The following PYGM variants were observed in gnomAD, a reference collection of about 807,000 sequenced individuals.
The protein encoded by PYGM is glycogen phosphorylase, muscle form.
A neutral mutation model predicts 99.3 loss-of-function variants in PYGM; 81 were observed. The observed-to-expected ratio is 0.82, with a 90% CI of 0.68 to 0.98. The LOEUF is 0.98. Among genes scored for constraint, PYGM ranks in the 50% least tolerant of loss-of-function variants. The pLI is 0.00. For synonymous variants in PYGM, 436 were observed against 451.5 expected, an observed-to-expected ratio of 0.97 and a Z score of 0.44; for missense variants, 1,030 against 1,158.1, an observed-to-expected ratio of 0.89 and a Z score of 1.61.
rs754822104 is a variant in PYGM, at chr11:64,747,258, T to G, written c.2278A>C (p.Lys760Gln). The stretch of plus-strand genomic sequence containing the variant: ...TGCATGAGCATATTGACAATGTCCT[T>G]GAACAGGTCGGGCTGTTTGGGGGAG... ...FFSPKQPDLF[K>Q]DIVNMLMHHD... The change falls in exon 18 of 20, where the codon AAG becomes CAG. Residue 760 changes from lysine to glutamine, a missense_variant. Coordinates refer to ENST00000164139, the MANE Select transcript of PYGM (RefSeq NM_005609.4). 6.2e-7 allele frequency: 1 copy of G among 1,614,198 alleles called. No individual in the cohort carries two copies. Among genetic ancestry groups the G allele is most frequent in the East Asian group, 2.2e-5 (1 of 44,880 alleles).
chr11:64,746,488 CCCGTGT>C lies in PYGM; in HGVS notation c.*165_*170del, dbSNP rs2058305630. The C allele has an allele frequency of 1.1e-6, 1 of 926,250 alleles. No homozygotes were observed. The highest frequency in any genetic ancestry group is 1.5e-5 in the South Asian group (1 of 64,622). The allele number at this position is 926,250 out of a possible 1,614,324, so 57.4% of individuals were successfully genotyped here. On this transcript the variant is annotated 3_prime_UTR_variant, in exon 20 of 20. Transcript: ENST00000164139. ...CCGGGAGCCCGAGGACGGAAGGGGG[CCCGTGT>C]CCTTAGTCACGCTGGACACTGGGAC...
Position 64,755,858 on chromosome 11 carries a change from C to T in PYGM, c.661-300G>A, listed in dbSNP as rs1325475019. Among the ~76,000 whole-genome samples, 1 of 152,208 alleles carries T rather than the reference C, an allele frequency of 6.6e-6. No homozygotes were observed. The highest frequency in any genetic ancestry group is 6.5e-5 in the Admixed American group (1 of 15,288). ...CCAGGAGGGGCTCTGTTGGCGACCA[C>T]TCTGCAGCAATGGGGGCTGGGCTGG... On this transcript the variant is annotated intron_variant, in intron 5 of 19. Coordinates refer to ENST00000164139, the MANE Select transcript of PYGM (RefSeq NM_005609.4). The surrounding 1 kb of genome is among the most constrained non-coding windows in gnomAD (Gnocchi z 4.1).
intron 14 of PYGM, 23 bp downstream of exon 14, chr11:64,751,901 A>G (rs1592409526): frequency 6.2e-7 from 1 of 1,614,072 alleles, no homozygotes. Flanking sequence ...ACTGAGAGAC[A>G]GGGTAGAGTG....
rs1278522566 is a variant in PYGM at position 64,758,269 on chromosome 11, G to C, written c.505C>G (p.Gln169Glu). 6.2e-7 allele frequency: 1 copy of C among 1,613,728 alleles called. No individual in the cohort carries two copies. Among genetic ancestry groups the C allele is most frequent in the Admixed American group, 1.7e-5 (1 of 60,024 alleles). ...GIRYEFGIFN[Q>E]KISGGWQMEE... ...ACCTGCCAGCCCCCGGAGATCTTCTGGTTAAAAATCCCAAACTCATAGCGA... is the reference window on the plus strand; with the variant it reads ...ACCTGCCAGCCCCCGGAGATCTTCTCGTTAAAAATCCCAAACTCATAGCGA... Residue 169 changes from glutamine (Q) to glutamate (E), a missense_variant, in exon 4 of 20, where the codon CAG (glutamine) becomes GAG (glutamate). Coordinates refer to ENST00000164139, the MANE Select transcript of PYGM (RefSeq NM_005609.4).
chr11:64,758,279 C>G lies in PYGM; in HGVS notation c.495G>C (p.Gly165=), dbSNP rs1207023836. The G allele has an allele frequency of 6.2e-7, 1 of 1,614,104 alleles. No homozygotes were observed. Among genetic ancestry groups the G allele is most frequent in the Non-Finnish European group, 8.5e-7 (1 of 1,179,966 alleles). The change falls in exon 4 of 20, where the codon GGG becomes GGC. Residue 165 remains glycine, a synonymous_variant. Transcript: ENST00000164139. ...CCCCGGAGATCTTCTGGTTAAAAAT[C>G]CCAAACTCATAGCGAATCCCGTAGC... ...AYGYGIRYEF[G]IFNQKISGGW...
Position 64,759,799 on chromosome 11 carries a change from G to A in PYGM, c.100C>T (p.Arg34Trp), listed in dbSNP as rs531748591. Reference sequence around the variant, plus strand: ...TTTACGAGTGTGAAATGCAGGTGCCGGTTGAAGTTCTTTTTCAGCTCAGTC... The same window carrying A: ...TTTACGAGTGTGAAATGCAGGTGCCAGTTGAAGTTCTTTTTCAGCTCAGTC... ...NVTELKKNFN[R>W]HLHFTLVKDR... is the part of the protein sequence containing the mutation. Residue 34 changes from arginine (R) to tryptophan (W), a missense_variant, in exon 1 of 20, where the codon CGG (arginine) becomes TGG (tryptophan). Transcript: ENST00000164139. 5.5e-5 allele frequency: 88 copies of A among 1,614,096 alleles called. No homozygotes were observed. Among genetic ancestry groups the A allele is most frequent in the East Asian group, 1.1e-4 (5 of 44,892 alleles).
chr11:64,750,309 G>T, intron 17 of PYGM, 67 bp downstream of exon 17: 2 of 1,566,162 alleles, frequency 1.3e-6, no homozygotes, highest in Non-Finnish European at 1.8e-6. Flanking sequence ...CGTGCCGCTT[G>T]CTCCCAGCAC....
chr11:64,753,967 G>A lies in PYGM; in HGVS notation c.1151C>T (p.Ala384Val), dbSNP rs1465752595. The A allele has an allele frequency of 1.9e-6, 3 of 1,605,576 alleles. No homozygotes were observed. The highest frequency in any genetic ancestry group is 2.2e-5 in the East Asian group (1 of 44,596). Residue 384 changes from alanine to valine, a missense_variant, in exon 10 of 20, where the codon GCC (alanine) becomes GTC (valine). Ala to Val is a moderately conservative substitution (Grantham distance 64). Coordinates refer to ENST00000164139, the MANE Select transcript of PYGM (RefSeq NM_005609.4). ...AYTNHTVLPE[A>V]LERWPVHLLE... ...GAGGTGCACCGGCCAGCGCTCCAGG[G>A]CCTCGGGCAGCACCGTGTGGTTGGT...
At chr11:64,749,465 AC>A (rs1417448214) in intron 17 of PYGM, among the ~76,000 whole-genome samples, 1 of 151,806 alleles carries the variant, frequency 6.6e-6, no homozygotes, top group African/African-American at 2.4e-5. Context: ...ACATGGTGAA[AC>A]CCCGTCTCTA....
At chr11:64,759,603 C>A (rs1268485590) in intron 1 of PYGM, 53 bp downstream of exon 1, 9 of 1,606,524 alleles carry the variant, frequency 5.6e-6, no homozygotes, top group Non-Finnish European at 7.6e-6. Context: ...AGATCGCCAG[C>A]TCCCTGGCAG....
chr11:64,750,313 C>G (rs780156636), intron 17 of PYGM, 63 bp downstream of exon 17: 40 of 1,585,706 alleles, frequency 2.5e-5, no homozygotes, highest in Non-Finnish European at 3.4e-5. Context: ...CCGCTTGCTC[C>G]CAGCACCACT....
chr11:64,759,402 A>T (rs2058418012), intron 1 of PYGM, among the ~76,000 whole-genome samples: 1 of 151,874 alleles, frequency 6.6e-6, no homozygotes, highest in Non-Finnish European at 1.5e-5. Flanking sequence ...CGTCCTGCCC[A>T]CCAGCACCCA....
At position 64,750,589 on chromosome 11, in the gene PYGM, G is replaced by C; in HGVS notation, c.1970-6C>G. 3.1e-6 allele frequency: 5 copies of C among 1,613,690 alleles called. No homozygotes were observed. Among genetic ancestry groups the C allele is most frequent in the South Asian group, 1.1e-5 (1 of 91,066 alleles). On this transcript the variant is annotated splice_polypyrimidine_tract_variant and splice_region_variant and intron_variant, in intron 16 of 19. Coordinates refer to ENST00000164139, the MANE Select transcript of PYGM (RefSeq NM_005609.4). The stretch of plus-strand genomic sequence containing the variant: ...GAGGTCTGCAGCTGGGATCACTGTG[G>C]GGTGGCAGCAGGGGGACAAGTCAAC...
intron 17 of PYGM, among the ~76,000 whole-genome samples, chr11:64,749,287 C>T (rs1446056581): frequency 7.9e-5 from 12 of 151,942 alleles, no homozygotes; most frequent in Non-Finnish European, 1.5e-4. Context: ...GTGGAGGTTG[C>T]GGTGAGCCAA....
intron 10 of PYGM, 77 bp from the exon 11 acceptor site, chr11:64,753,759 C>G (rs71581784): frequency 1.9e-4 from 286 of 1,541,586 alleles, no homozygotes; most frequent in South Asian, 5.0e-4. Context: ...ACCCCCAGAG[C>G]TCTGCCCAGT....
intron 17 of PYGM, 42 bp from the exon 18 acceptor site, chr11:64,747,400 C>T (rs1396308439): frequency 6.2e-7 from 1 of 1,613,358 alleles, no homozygotes; most frequent in East Asian, 2.2e-5. Flanking sequence ...GAAAGGGGTT[C>T]CTGGCTCCTC....
intron 16 of PYGM, chr11:64,751,009 A>G (rs2058351930): frequency 2.4e-5 from 10 of 408,312 alleles, no homozygotes; most frequent in South Asian, 1.7e-4. Context: ...CTCCTGCTTC[A>G]GCCTCCCAAG....
At chr11:64,760,048 G>T, upstream of PYGM, 2 of 1,233,656 alleles carry the variant, frequency 1.6e-6, no homozygotes, top group Non-Finnish European at 2.2e-6. Flanking sequence ...CAATGGGAGG[G>T]TCTTGGCCTG....
rs1449944847 is a variant in PYGM at position 64,759,675 on chromosome 11, T to C, written c.224A>G (p.Tyr75Cys). The change falls in exon 1 of 20, where the codon TAC becomes TGC. Residue 75 changes from tyrosine (Y) to cysteine (C), a missense_variant. Tyr to Cys is a radical substitution (Grantham distance 194). Transcript: ENST00000164139. ...CAGCACCTTGGGGTCCTTCTCATAGTAGTGCTGCTGCGTGCGGATCCAGCG... is the reference window on the plus strand; with the variant it reads ...CAGCACCTTGGGGTCCTTCTCATAGCAGTGCTGCTGCGTGCGGATCCAGCG... ...VGRWIRTQQH[Y>C]YEKDPKRIYY... 15 of 1,613,846 alleles carry C rather than the reference T, an allele frequency of 9.3e-6. No homozygotes were observed. The highest frequency in any genetic ancestry group is 1.3e-5 in the Non-Finnish European group (15 of 1,179,952).
Sources: gnomAD v4.1 joint callset for allele counts (sites outside exome capture counted in the v4.1 genomes callset) on GRCh38, gnomAD v4.1.1 for gene constraint, Gnocchi (gnomAD v3.1) non-coding constraint, MANE v1.5 for transcripts, NCBI Gene and HGNC (gene_info 2026-07-23, HGNC 2026-07-21) for gene names.